The following SPHKAP variants were observed in gnomAD, a reference collection of about 807,000 sequenced individuals.
SPHKAP encodes the protein A-kinase anchor protein SPHKAP.
In SPHKAP, 67 loss-of-function variants were observed where a neutral mutation model predicts 137.5. The ratio of observed to expected loss-of-function variants is 0.49; its 90% CI spans 0.40 to 0.60. The LOEUF is 0.60. SPHKAP is among the 20% of genes least tolerant of loss of function. The pLI, the probability that SPHKAP is intolerant of heterozygous loss-of-function variation, is 0.00. For missense variants in SPHKAP, 2,097 were observed against 2,069.3 expected (o/e 1.01, Z -0.26); for synonymous variants, 813 against 785.3 (o/e 1.04, Z -0.59).
At chr2:228,074,433 C>T (rs1697108607) in intron 3 of SPHKAP, among the ~76,000 whole-genome samples, 1 of 152,104 alleles carries the variant, frequency 6.6e-6, no homozygotes, top group Admixed American at 6.5e-5. Flanking sequence ...GAAGGGGAAG[C>T]AAGACACATC....
At chr2:228,180,763 C>T (rs77840162) in intron 1 of SPHKAP, among the ~76,000 whole-genome samples, 13 of 152,330 alleles carry the variant, frequency 8.5e-5, no homozygotes, top group South Asian at 4.1e-4. Context: ...TTTACCCAGA[C>T]ATTTATGGGA....
intron 1 of SPHKAP, among the ~76,000 whole-genome samples, chr2:228,166,694 C>G (rs1241268168): frequency 2.0e-5 from 3 of 152,184 alleles, no homozygotes; most frequent in African/African-American, 7.2e-5. Context: ...TATTTTCACA[C>G]ATTTCTTCTG....
chr2:228,042,892 A>C (rs1380703337), intron 3 of SPHKAP, among the ~76,000 whole-genome samples: 1 of 152,162 alleles, frequency 6.6e-6, no homozygotes, highest in Non-Finnish European at 1.5e-5. Context: ...TCTTGTTCCC[A>C]GAGGTGTTTA....
intron 3 of SPHKAP, among the ~76,000 whole-genome samples, chr2:228,104,292 ATATAT>A (rs200548762): frequency 9.0e-5 from 13 of 144,704 alleles, no homozygotes; most frequent in East Asian, 3.9e-4. Context: ...TCATTATATC[ATATAT>A]TATATAATAA....
At chr2:228,141,170 C>T (rs1699595527) in intron 1 of SPHKAP, among the ~76,000 whole-genome samples, 1 of 152,158 alleles carries the variant, frequency 6.6e-6, no homozygotes, top group Admixed American at 6.6e-5. Flanking sequence ...AAAGCCAGTT[C>T]CTAGTGTGTT....
rs758136614 is a variant in SPHKAP, at chr2:228,019,705, A to T, written c.1149T>A (p.Asp383Glu). 3.1e-6 allele frequency: 5 copies of T among 1,614,170 alleles called. No homozygotes were observed. Among genetic ancestry groups the T allele is most frequent in the Non-Finnish European group, 4.2e-6 (5 of 1,180,024 alleles). Residue 383 changes from aspartate to glutamate, a missense_variant, in exon 7 of 12, where the codon GAT (aspartate) becomes GAA (glutamate). Coordinates refer to ENST00000392056, the MANE Select transcript of SPHKAP (RefSeq NM_001142644.2). ...CATACTTGCCAGTGGTGACTTCTCC[A>T]TCTTGTCTAGGAGGGAGAGCGTTTC... ...DTRNALPPRQ[D>E]GEVTTGKYAT...
In SPHKAP at chr2:228,012,974, G is replaced by A. The variant is rs571315998; in HGVS notation, c.4448+3432C>T. 6.6e-5 allele frequency among the ~76,000 whole-genome samples: 10 copies of A among 152,260 alleles called. No individual in the cohort carries two copies. In the South Asian group the frequency reaches 1.0e-3, roughly 16 times the overall value. ...TAACTTTTTTTAAAGTAAGAATCAT[G>A]AAAACATGCCTAAAGAAAGTAGCCT... On this transcript the variant is annotated intron_variant, in intron 7 of 11. Coordinates refer to ENST00000392056, the MANE Select transcript of SPHKAP (RefSeq NM_001142644.2).
intron 1 of SPHKAP, among the ~76,000 whole-genome samples, chr2:228,136,006 G>T (rs1699431251): frequency 6.6e-6 from 1 of 152,164 alleles, no homozygotes; most frequent in African/African-American, 2.4e-5. Flanking sequence ...ATACCTTTTG[G>T]ATGGAGAAAG....
intron 1 of SPHKAP, among the ~76,000 whole-genome samples, chr2:228,169,459 C>G (rs10173065): frequency 0.13 from 20,474 of 152,026 alleles, 1,384 homozygotes; most frequent in East Asian, 0.2. Context: ...TAAATCTACT[C>G]TGCCTGTGCT....
At chr2:228,032,385 A>G (rs1052581852) in intron 3 of SPHKAP, among the ~76,000 whole-genome samples, 1 of 152,238 alleles carries the variant, frequency 6.6e-6, no homozygotes, top group Admixed American at 6.5e-5. Flanking sequence ...ATTATGTGAA[A>G]AGACCAAATC....
Position 228,027,507 on chromosome 2 carries a change from A to C in SPHKAP, c.283T>G (p.Cys95Gly). 6.2e-7 allele frequency: 1 copy of C among 1,614,048 alleles called. No individual in the cohort carries two copies. The highest frequency in any genetic ancestry group is 8.5e-7 in the Non-Finnish European group (1 of 1,179,936). Residue 95 changes from cysteine to glycine, a missense_variant, in exon 4 of 12, where the codon TGC (cysteine) becomes GGC (glycine). Cys to Gly is a radical substitution (Grantham distance 159). Coordinates refer to ENST00000392056, the MANE Select transcript of SPHKAP (RefSeq NM_001142644.2). ...ACCTGTTGCAGGTGCTCTGTGCTGCATTCATCCTTGTTCACATCAAGATTC... is the reference window on the plus strand; with the variant it reads ...ACCTGTTGCAGGTGCTCTGTGCTGCCTTCATCCTTGTTCACATCAAGATTC... ...FVNLDVNKDE[C>G]STEHLQQKLV...
In SPHKAP at chr2:228,016,848, C is replaced by T; in HGVS notation, c.4006G>A (p.Val1336Ile). ...DDAEEADTEP[V>I]SGGSPSQAEK... ...GCTTGCGAGGGAGAGCCACCAGAAA[C>T]AGGCTCAGTGTCAGCTTCCTCTGCA... Residue 1336 changes from valine (V) to isoleucine (I), a missense_variant, in exon 7 of 12, where the codon GTT becomes ATT. By Grantham distance (29) the Val-to-Ile change is conservative (BLOSUM62 3). Coordinates refer to ENST00000392056, the MANE Select transcript of SPHKAP (RefSeq NM_001142644.2). The T allele has an allele frequency of 3.7e-6, 6 of 1,614,098 alleles. No individual in the cohort carries two copies. Among genetic ancestry groups the T allele is most frequent in the Non-Finnish European group, 5.1e-6 (6 of 1,180,014 alleles).
At chr2:228,073,829 T>C (rs1419182625) in intron 3 of SPHKAP, among the ~76,000 whole-genome samples, 1 of 152,066 alleles carries the variant, frequency 6.6e-6, no homozygotes, top group Non-Finnish European at 1.5e-5. Context: ...GTGATTTTGA[T>C]TATGTTACAT....
intron 2 of SPHKAP, among the ~76,000 whole-genome samples, chr2:228,113,784 T>C (rs1368446484): frequency 6.6e-6 from 1 of 152,064 alleles, no homozygotes; most frequent in Non-Finnish European, 1.5e-5. Context: ...GCCACTTCTA[T>C]ACCAAATACC....
intron 5 of SPHKAP, among the ~76,000 whole-genome samples, chr2:228,022,644 AG>A (rs1694885299): frequency 6.6e-6 from 1 of 152,178 alleles, no homozygotes; most frequent in African/African-American, 2.4e-5. Context: ...CATCTCAAAA[AG>A]GCACAGGAGG....
intron 3 of SPHKAP, among the ~76,000 whole-genome samples, chr2:228,101,193 C>A (rs993350365): frequency 5.3e-5 from 8 of 152,160 alleles, no homozygotes; most frequent in African/African-American, 1.9e-4. Context: ...AGCTCCAGCC[C>A]ATTCTTCCCC....
intron 11 of SPHKAP, among the ~76,000 whole-genome samples, chr2:227,983,439 G>A (rs1270510210): frequency 6.6e-6 from 1 of 152,184 alleles, no homozygotes; most frequent in Admixed American, 6.5e-5. Context: ...GTGTTAGGAT[G>A]TTGTGAAAAG....
At chr2:228,149,661 A>T (rs975517603) in intron 1 of SPHKAP, among the ~76,000 whole-genome samples, 1 of 152,162 alleles carries the variant, frequency 6.6e-6, no homozygotes. Flanking sequence ...TGCTTTTTTT[A>T]GATTTATTCC....
chr2:228,041,369 G>A (rs1328232827), intron 3 of SPHKAP, among the ~76,000 whole-genome samples: 2 of 152,140 alleles, frequency 1.3e-5, no homozygotes, highest in Non-Finnish European at 2.9e-5. Context: ...TCTGGGCTGG[G>A]CACAGTGGCT....
Sources: allele counts gnomAD v4.1 joint callset (sites outside exome capture counted in the v4.1 genomes callset), GRCh38; gene constraint gnomAD v4.1.1; transcripts MANE v1.5; gene names NCBI Gene and HGNC (gene_info 2026-07-23, HGNC 2026-07-21).